Variants in CD28 observed in about 807,000 individuals in gnomAD.
CD28 encodes the protein T-cell-specific surface glycoprotein CD28.
A neutral mutation model predicts 21.4 loss-of-function variants in CD28; 8 were observed. That is an observed-to-expected ratio of 0.37 (90% CI 0.22 to 0.68). The LOEUF (loss-of-function observed/expected upper bound fraction) is 0.68, where lower values mean the gene tolerates loss of function less well. Among genes scored for constraint, CD28 ranks in the 30% least tolerant of loss-of-function variants. The pLI is 0.55. For synonymous variants in CD28, 106 were observed against 104.0 expected, an observed-to-expected ratio of 1.02 and a Z score of -0.12; for missense variants, 239 against 272.2, an observed-to-expected ratio of 0.88 and a Z score of 0.86.
intron 1 of CD28, among the ~76,000 whole-genome samples, chr2:203,710,610 T>C (rs1341227694): frequency 2.0e-5 from 3 of 152,230 alleles, no homozygotes; most frequent in Non-Finnish European, 4.4e-5. Flanking sequence ...TTTTATCTTG[T>C]GTGGATATCT....
At chr2:203,729,058 A>G (rs574008130) in intron 2 of CD28, among the ~76,000 whole-genome samples, 2 of 152,294 alleles carry the variant, frequency 1.3e-5, no homozygotes, top group East Asian at 1.9e-4. Context: ...GATTTTTGGT[A>G]TGCTTTCTAG....
chr2:203,726,741 C>T lies in CD28; in HGVS notation c.161C>T (p.Ser54Phe). 6.2e-7 allele frequency: 1 copy of T among 1,614,082 alleles called. No individual in the cohort carries two copies. Among genetic ancestry groups the T allele is most frequent in the African/African-American group, 1.3e-5 (1 of 75,022 alleles). The change falls in exon 2 of 4, where the codon TCC becomes TTC. Residue 54 changes from serine to phenylalanine, a missense_variant. Ser to Phe is a radical substitution (Grantham distance 155). This residue lies in a region of CD28 where 104 missense variants were observed against 108.5 expected (regional missense o/e 0.96). Transcript: ENST00000324106. Reference sequence around the variant, plus strand: ...CTCTTCTCAAGGGAGTTCCGGGCATCCCTTCACAAAGGACTGGATAGTGCT... The same window carrying T: ...CTCTTCTCAAGGGAGTTCCGGGCATTCCTTCACAAAGGACTGGATAGTGCT... ...YNLFSREFRA[S>F]LHKGLDSAVE...
chr2:203,722,761 G>A (rs1693636247), intron 1 of CD28, among the ~76,000 whole-genome samples: 1 of 152,222 alleles, frequency 6.6e-6, no homozygotes, highest in Non-Finnish European at 1.5e-5. Flanking sequence ...TTTGAGACCT[G>A]AGAAGGGAGT....
At chr2:203,730,359 T>A (rs1693856358) in intron 3 of CD28, among the ~76,000 whole-genome samples, 1 of 152,218 alleles carries the variant, frequency 6.6e-6, no homozygotes, top group Admixed American at 6.5e-5. Flanking sequence ...ACCACTGAAT[T>A]GAAGTACTAA....
chr2:203,724,188 T>C (rs1693680973), intron 1 of CD28, among the ~76,000 whole-genome samples: 1 of 152,124 alleles, frequency 6.6e-6, no homozygotes, highest in African/African-American at 2.4e-5. Context: ...GGCAAATTCA[T>C]AGGGCCAAAG....
At chr2:203,730,570 A>T (rs761727392) in intron 3 of CD28, among the ~76,000 whole-genome samples, 9 of 152,112 alleles carry the variant, frequency 5.9e-5, no homozygotes, top group Non-Finnish European at 1.0e-4. Context: ...TTGTCTTTGA[A>T]TTTTTTTCTA....
chr2:203,721,088 T>G (rs1270061242), intron 1 of CD28, among the ~76,000 whole-genome samples: 1 of 152,196 alleles, frequency 6.6e-6, no homozygotes, highest in South Asian at 2.1e-4. Flanking sequence ...AACTCTAAAC[T>G]AGGAGGCTGT....
chr2:203,709,869 A>T (rs1290366230), intron 1 of CD28, among the ~76,000 whole-genome samples: 4 of 152,220 alleles, frequency 2.6e-5, no homozygotes, highest in Non-Finnish European at 1.5e-5. Flanking sequence ...CTTGGGCAAA[A>T]AACTGTCAAA....
chr2:203,729,745 A>G lies in CD28; in HGVS notation c.507A>G (p.Leu169=). 6.2e-7 allele frequency: 1 copy of G among 1,614,068 alleles called. No homozygotes were observed. The highest frequency in any genetic ancestry group is 8.5e-7 in the Non-Finnish European group (1 of 1,179,942). ...GAGTCCTGGCTTGCTATAGCTTGCT[A>G]GTAACAGTGGCCTTTATTATTTTCT... ...VGGVLACYSL[L]VTVAFIIFWV... Residue 169 remains leucine (L), a synonymous_variant, in exon 3 of 4, where the codon CTA becomes CTG. Coordinates refer to ENST00000324106, the MANE Select transcript of CD28 (RefSeq NM_006139.4).
At chr2:203,710,539 C>A (rs1272312276) in intron 1 of CD28, among the ~76,000 whole-genome samples, 1 of 152,184 alleles carries the variant, frequency 6.6e-6, no homozygotes, top group Non-Finnish European at 1.5e-5. Flanking sequence ...GACCCTCCTC[C>A]TTTTTAACGT....
chr2:203,730,100 C>T (rs1026813805), intron 3 of CD28, among the ~76,000 whole-genome samples: 11 of 152,100 alleles, frequency 7.2e-5, no homozygotes, highest in Admixed American at 2.0e-4. Context: ...AGTTTTAATG[C>T]GTATATATGT....
At chr2:203,733,219 T>A (rs1693944548) in intron 3 of CD28, among the ~76,000 whole-genome samples, 1 of 152,218 alleles carries the variant, frequency 6.6e-6, no homozygotes, top group Admixed American at 6.5e-5. Context: ...CATTGTAGGA[T>A]GTTTAGCAGC....
intron 2 of CD28, among the ~76,000 whole-genome samples, chr2:203,729,086 T>A (rs1693824612): frequency 6.6e-6 from 1 of 152,168 alleles, no homozygotes; most frequent in South Asian, 2.1e-4. Context: ...TTTCTCTAAT[T>A]TTGAATAGAA....
chr2:203,728,617 A>G (rs1693811328), intron 2 of CD28, among the ~76,000 whole-genome samples: 1 of 152,212 alleles, frequency 6.6e-6, no homozygotes, highest in Admixed American at 6.5e-5. Context: ...TAATGTGTGA[A>G]TATTTTGTTT....
chr2:203,720,488 C>T (rs781562502), intron 1 of CD28, among the ~76,000 whole-genome samples: 1 of 152,166 alleles, frequency 6.6e-6, no homozygotes, highest in Non-Finnish European at 1.5e-5. Flanking sequence ...GGCTGGGTCT[C>T]CTGATACCCA....
Position 203,734,936 on chromosome 2 carries a change from G to C in CD28, c.*24G>C. 6.2e-7 allele frequency: 1 copy of C among 1,611,038 alleles called. No homozygotes were observed. Among genetic ancestry groups the C allele is most frequent in the African/African-American group, 1.3e-5 (1 of 75,044 alleles). Reference sequence around the variant, plus strand: ...GACACGGACGCCTATCCAGAAGCCAGCCGGCTGGCAGCCCCCATCTGCTCA... The same window carrying C: ...GACACGGACGCCTATCCAGAAGCCACCCGGCTGGCAGCCCCCATCTGCTCA... On this transcript the variant is annotated 3_prime_UTR_variant, in exon 4 of 4. Coordinates refer to ENST00000324106, the MANE Select transcript of CD28 (RefSeq NM_006139.4).
intron 1 of CD28, among the ~76,000 whole-genome samples, chr2:203,712,200 C>CAACA (rs1559550219): frequency 2.0e-5 from 3 of 150,894 alleles, no homozygotes; most frequent in South Asian, 2.1e-4. Context: ...TCAACAACAA[C>CAACA]AAAAAAAAGA....
At chr2:203,721,137 G>C (rs933280239) in intron 1 of CD28, among the ~76,000 whole-genome samples, 1 of 152,186 alleles carries the variant, frequency 6.6e-6, no homozygotes, top group African/African-American at 2.4e-5. Context: ...ACGATTTCAA[G>C]CACAGTATCT....
intron 1 of CD28, among the ~76,000 whole-genome samples, chr2:203,713,852 G>GGAGA (rs57737764): frequency 0.022 from 3,075 of 141,700 alleles, 60 homozygotes; most frequent in African/African-American, 0.048. Flanking sequence ...AGAGAGAGAG[G>GGAGA]GAGAGAGAGA....
Sources: allele counts gnomAD v4.1 joint callset (sites outside exome capture counted in the v4.1 genomes callset), GRCh38; gene constraint gnomAD v4.1.1; regional missense constraint gnomAD v4.1.1; transcripts MANE v1.5; gene names NCBI Gene and HGNC (gene_info 2026-07-23, HGNC 2026-07-21).